SPATA31D1: variants seen among roughly 807,000 people sequenced by gnomAD.
The protein encoded by SPATA31D1 is spermatogenesis-associated protein 31D1.
In SPATA31D1, 6 loss-of-function variants were observed where a neutral mutation model predicts 13.2. The observed-to-expected ratio is 0.46, with a 90% CI of 0.25 to 0.90. The LOEUF is 0.90. Among genes scored for constraint, SPATA31D1 ranks in the 40% least tolerant of loss-of-function variants. The probability of loss-of-function intolerance (pLI) is 0.18; values close to 1 mark genes in which losing one functional copy is unlikely to be tolerated. For missense variants in SPATA31D1, 2,445 were observed against 1,884.7 expected (o/e 1.30, Z -5.50); for synonymous variants, 903 against 718.8 (o/e 1.26, Z -4.10).
At chr9:81,990,742 TCTC>T (rs749359835) in intron 3 of SPATA31D1, 28 bp from the exon 4 acceptor site, 2 of 1,575,122 alleles carry the variant, frequency 1.3e-6, no homozygotes, top group Non-Finnish European at 1.7e-6. Context: ...GGCTAACAAA[TCTC>T]CTTTCCTTGT....
chr9:81,991,070 C>G lies in SPATA31D1; in HGVS notation c.600C>G (p.Leu200=), dbSNP rs369682294. 12 of 1,613,612 alleles carry G rather than the reference C, an allele frequency of 7.4e-6. No homozygotes were observed. The Admixed American group carries it at 8.3e-5, about 11-fold the overall frequency. Reference sequence around the variant, plus strand: ...CCTCTCCACCACCCCCCTTAATTCTCTCACCTGACCTGATCACCACCTTAG... The same window carrying G: ...CCTCTCCACCACCCCCCTTAATTCTGTCACCTGACCTGATCACCACCTTAG... ...PKASPPPPLI[L]SPDLITTLAD... The change falls in exon 4 of 4, where the codon CTC becomes CTG. Residue 200 remains leucine, a synonymous_variant. Transcript: ENST00000344803.
intron 2 of SPATA31D1, 179 bp downstream of exon 2, chr9:81,990,002 C>T (rs1298493025): frequency 2.9e-6 from 2 of 679,256 alleles, no homozygotes; most frequent in Non-Finnish European, 4.9e-6. Context: ...AGAGGCCCTG[C>T]TCTGCCCATT....
rs191755245 is a variant in SPATA31D1 at position 81,992,714 on chromosome 9, C to T, written c.2244C>T (p.Ser748=). The change falls in exon 4 of 4, where the codon TCC becomes TCT. Residue 748 remains serine, a synonymous_variant. Coordinates refer to ENST00000344803, the MANE Select transcript of SPATA31D1 (RefSeq NM_001001670.3). ...EGQRCNVLKK[S]ASSFPRSFHE... The stretch of plus-strand genomic sequence containing the variant: ...AGAGGTGCAATGTTCTAAAGAAGTC[C>T]GCATCAAGCTTCCCTAGAAGCTTCC... The T allele has an allele frequency of 4.6e-5, 74 of 1,613,782 alleles. No homozygotes were observed. The highest frequency in any genetic ancestry group is 3.3e-4 in the African/African-American group (25 of 75,038).
rs183342985 is a variant in SPATA31D1, at chr9:81,992,660, A to G, written c.2190A>G (p.Gly730=). ...SELSVSERIH[G]PLNISLVEGQ... is the part of the protein sequence containing the mutation. Reference sequence around the variant, plus strand: ...TATCTGTGTCAGAGAGAATTCATGGACCGTTAAATATCTCTTTGGTTGAGG... The same window carrying G: ...TATCTGTGTCAGAGAGAATTCATGGGCCGTTAAATATCTCTTTGGTTGAGG... The change falls in exon 4 of 4, where the codon GGA becomes GGG. Residue 730 remains glycine, a synonymous_variant. Transcript: ENST00000344803. 6.2e-7 allele frequency: 1 copy of G among 1,613,756 alleles called. No homozygotes were observed.
Position 81,994,435 on chromosome 9 carries a change from C to T in SPATA31D1, c.3965C>T (p.Pro1322Leu), listed in dbSNP as rs761594768. Residue 1322 changes from proline (P) to leucine (L), a missense_variant, in exon 4 of 4, where the codon CCT (proline) becomes CTT (leucine). Physicochemically the swap from Pro to Leu is moderately conservative, Grantham distance 98. Transcript: ENST00000344803. ...TCCCAACGCAGGAGAAAGAGCCTCC[C>T]TGTTCATAACAAGACATCAGGGGAG... ...GTSQRRRKSL[P>L]VHNKTSGEVL... 6 of 1,613,550 alleles carry T rather than the reference C, an allele frequency of 3.7e-6. No homozygotes were observed. The highest frequency in any genetic ancestry group is 1.1e-5 in the South Asian group (1 of 91,022).
At position 81,990,587 on chromosome 9, in the gene SPATA31D1, G is replaced by A. The variant is rs963525022; in HGVS notation, c.302+101G>A. The A allele has an allele frequency of 8.0e-6, 11 of 1,382,560 alleles. No individual in the cohort carries two copies. In the African/African-American group the frequency reaches 1.3e-4, roughly 16 times the overall value. 85.6% of individuals were successfully genotyped at this position (1,382,560 alleles called of 1,614,324 possible). ...TTCCTTGTAGCCTGCTGTAGTTTTG[G>A]GAGTGGGTAGCCATAGGAATGGGTA... On this transcript the variant is annotated intron_variant, in intron 3 of 3. Transcript: ENST00000344803.
chr9:81,994,034 A>T lies in SPATA31D1; in HGVS notation c.3564A>T (p.Arg1188Ser). 1 of 1,613,878 alleles carries T rather than the reference A, an allele frequency of 6.2e-7. No individual in the cohort carries two copies. The highest frequency in any genetic ancestry group is 8.5e-7 in the Non-Finnish European group (1 of 1,179,778). The change falls in exon 4 of 4, where the codon AGA becomes AGT. Residue 1188 changes from arginine to serine, a missense_variant. Transcript: ENST00000344803. ...ATGAAACTGAAATTTTCCCACCAAG[A>T]ATATCAGTTCCTCAAGATCCTAAAT... ...TSNETEIFPP[R>S]ISVPQDPKSS...
rs757646618 is a variant in SPATA31D1, at chr9:81,992,148, C to T, written c.1678C>T (p.Pro560Ser). The T allele has an allele frequency of 1.2e-6, 2 of 1,613,784 alleles. No individual in the cohort carries two copies. Among genetic ancestry groups the T allele is most frequent in the East Asian group, 2.2e-5 (1 of 44,860 alleles). ...ACCTCTGTCCTTGCCTAGTACCCAA[C>T]CACTACCCTTGCCTCAAACCCTGCC... ...PQPLSLPSTQ[P>S]LPLPQTLPQG... The change falls in exon 4 of 4, where the codon CCA (proline) becomes TCA (serine). Residue 560 changes from proline to serine, a missense_variant. Pro to Ser is a moderately conservative substitution (Grantham distance 74). Transcript: ENST00000344803.
Position 81,995,017 on chromosome 9 carries a change from A to T in SPATA31D1, c.4547A>T (p.Gln1516Leu). The T allele has an allele frequency of 6.2e-7, 1 of 1,613,950 alleles. No individual in the cohort carries two copies. The highest frequency in any genetic ancestry group is 8.5e-7 in the Non-Finnish European group (1 of 1,179,858). ...AAGATACTGTGTCAAAGCCATCCCC[A>T]ATCCATGCCCCACAGGAAGCCTGTG... Reference protein sequence around the residue: ...KGKILCQSHPQSMPHRKPVPH... With the variant: ...KGKILCQSHPLSMPHRKPVPH... Residue 1516 changes from glutamine (Q) to leucine (L), a missense_variant, in exon 4 of 4, where the codon CAA (glutamine) becomes CTA (leucine). Coordinates refer to ENST00000344803, the MANE Select transcript of SPATA31D1 (RefSeq NM_001001670.3).
Position 81,991,281 on chromosome 9 carries a change from A to G in SPATA31D1, c.811A>G (p.Ile271Val). 4 of 1,613,996 alleles carry G rather than the reference A, an allele frequency of 2.5e-6. No individual in the cohort carries two copies. Among genetic ancestry groups the G allele is most frequent in the South Asian group, 1.1e-5 (1 of 91,082 alleles). The change falls in exon 4 of 4, where the codon ATC (isoleucine) becomes GTC (valine). Residue 271 changes from isoleucine to valine, a missense_variant. Physicochemically the swap from Ile to Val is conservative, Grantham distance 29. Coordinates refer to ENST00000344803, the MANE Select transcript of SPATA31D1 (RefSeq NM_001001670.3). Reference protein sequence around the residue: ...QPEASLSLNTIFSFGSTLCQD... With the variant: ...QPEASLSLNTVFSFGSTLCQD... ...TGAAGCCAGTTTGTCTCTGAACACC[A>G]TCTTTTCATTTGGCTCCACCCTATG...
chr9:81,993,697 C>A lies in SPATA31D1; in HGVS notation c.3227C>A (p.Thr1076Lys), dbSNP rs1825030862. 1.9e-6 allele frequency: 3 copies of A among 1,613,888 alleles called. No individual in the cohort carries two copies. The highest frequency in any genetic ancestry group is 2.7e-5 in the African/African-American group (2 of 74,928). Residue 1076 changes from threonine to lysine, a missense_variant, in exon 4 of 4, where the codon ACA becomes AAA. By Grantham distance (78) the Thr-to-Lys change is moderately conservative. Transcript: ENST00000344803. Reference protein sequence around the residue: ...REFSDTDNDLTESVRTTEDGR... With the variant: ...REFSDTDNDLKESVRTTEDGR... ...TTCTCTGATACTGACAATGATCTTACAGAAAGTGTCCGGACAACAGAGGAT... is the reference window on the plus strand; with the variant it reads ...TTCTCTGATACTGACAATGATCTTAAAGAAAGTGTCCGGACAACAGAGGAT...
chr9:81,994,691 A>G lies in SPATA31D1; in HGVS notation c.4221A>G (p.Lys1407=), dbSNP rs774864884. 6.2e-7 allele frequency: 1 copy of G among 1,613,734 alleles called. No homozygotes were observed. Among genetic ancestry groups the G allele is most frequent in the Admixed American group, 1.7e-5 (1 of 59,978 alleles). The part of the protein sequence containing the change: ...TGTTEAQKIR[K]DTREFLEEKL... ...CTACTGAAGCTCAGAAAATTAGGAA[A>G]GACACTAGGGAGTTCCTAGAAGAGA... is the stretch of plus-strand genomic sequence containing the variant. The change falls in exon 4 of 4, where the codon AAA becomes AAG. Residue 1407 remains lysine, a synonymous_variant. Coordinates refer to ENST00000344803, the MANE Select transcript of SPATA31D1 (RefSeq NM_001001670.3).
chr9:81,988,132 C>A (rs1295004019), upstream of SPATA31D1, among the ~76,000 whole-genome samples: 1 of 152,186 alleles, frequency 6.6e-6, no homozygotes, highest in Non-Finnish European at 1.5e-5. Flanking sequence ...TTGATCTGGA[C>A]TCCTGTCTTA....
rs1824917021 is a variant in SPATA31D1, at chr9:81,989,840, C to G, written c.232+17C>G. 1 of 1,613,076 alleles carries G rather than the reference C, an allele frequency of 6.2e-7. No individual in the cohort carries two copies. The highest frequency in any genetic ancestry group is 8.5e-7 in the Non-Finnish European group (1 of 1,179,340). On this transcript the variant is annotated intron_variant, in intron 2 of 3. Transcript: ENST00000344803. Reference sequence around the variant, plus strand: ...CATTCAAAGGTAATGTCAGCCTGCTCTATCTGAGCTTCAGGGGTGACCCTT... The same window carrying G: ...CATTCAAAGGTAATGTCAGCCTGCTGTATCTGAGCTTCAGGGGTGACCCTT...
Position 81,991,071 on chromosome 9 carries a change from T to C in SPATA31D1, c.601T>C (p.Ser201Pro), listed in dbSNP as rs1188206683. The C allele has an allele frequency of 6.2e-7, 1 of 1,613,456 alleles. No homozygotes were observed. The highest frequency in any genetic ancestry group is 8.5e-7 in the Non-Finnish European group (1 of 1,179,690). The change falls in exon 4 of 4, where the codon TCA (serine) becomes CCA (proline). Residue 201 changes from serine to proline, a missense_variant. Physicochemically the swap from Ser to Pro is moderately conservative, Grantham distance 74. Transcript: ENST00000344803. ...CTCTCCACCACCCCCCTTAATTCTCTCACCTGACCTGATCACCACCTTAGC... is the reference window on the plus strand; with the variant it reads ...CTCTCCACCACCCCCCTTAATTCTCCCACCTGACCTGATCACCACCTTAGC... Reference protein sequence around the residue: ...KASPPPPLILSPDLITTLADL... With the variant: ...KASPPPPLILPPDLITTLADL...
Position 81,995,161 on chromosome 9 carries a change from C to T in SPATA31D1, c.4691C>T (p.Pro1564Leu). 1 of 1,571,864 alleles carries T rather than the reference C, an allele frequency of 6.4e-7. No individual in the cohort carries two copies. The highest frequency in any genetic ancestry group is 8.6e-7 in the Non-Finnish European group (1 of 1,157,810). ...TTCCTAACTGGACAGAAAATGCTTCCAAAGCATTTACAGGGAGGAAAATTT... is the reference window on the plus strand; with the variant it reads ...TTCCTAACTGGACAGAAAATGCTTCTAAAGCATTTACAGGGAGGAAAATTT... ...VPFLTGQKML[P>L]KHLQGGKFPP... The change falls in exon 4 of 4, where the codon CCA becomes CTA. Residue 1564 changes from proline to leucine, a missense_variant. Pro to Leu is a moderately conservative substitution (Grantham distance 98, BLOSUM62 -3). Coordinates refer to ENST00000344803, the MANE Select transcript of SPATA31D1 (RefSeq NM_001001670.3).
chr9:81,994,487 CTT>C lies in SPATA31D1; in HGVS notation c.4018_4019del (p.Leu1340GlufsTer7). On this transcript the variant is annotated frameshift_variant, in exon 4 of 4. Transcript: ENST00000344803. LOFTEE classifies it low-confidence loss of function (END_TRUNC). ...EVLGSKSSPTLKTQPPPENLF... is the reference protein window; with the variant it reads ...EVLGSKSSPTXKTQPPPENLF... Reference sequence around the variant, plus strand: ...TGCTTGGGAGCAAATCTTCCCCAACCTTGAAAACACAGCCTCCTCCTGAAAAC... The same window carrying C: ...TGCTTGGGAGCAAATCTTCCCCAACCGAAAACACAGCCTCCTCCTGAAAAC... 1 of 1,613,458 alleles carries C rather than the reference CTT, an allele frequency of 6.2e-7. No homozygotes were observed. Among genetic ancestry groups the C allele is most frequent in the South Asian group, 1.1e-5 (1 of 90,960 alleles).
chr9:81,990,190 T>C lies in SPATA31D1; in HGVS notation c.233-227T>C, dbSNP rs1234499706. On this transcript the variant is annotated intron_variant, in intron 2 of 3. Coordinates refer to ENST00000344803, the MANE Select transcript of SPATA31D1 (RefSeq NM_001001670.3). ...CCTCCTGGAGGTAACCACTGATGTC[T>C]GTGTTTCACGTGGTGGTTTTGAGCA... The C allele has an allele frequency of 5.6e-6, 3 of 533,100 alleles. No individual in the cohort carries two copies. In the South Asian group the frequency reaches 9.4e-5, roughly 17 times the overall value. 33.0% of individuals were successfully genotyped at this position (533,100 alleles called of 1,614,324 possible). A position where few individuals can be genotyped will look rare whatever the true frequency, so the allele number is the denominator to read the frequency against.
chr9:81,993,811 A>T lies in SPATA31D1; in HGVS notation c.3341A>T (p.Glu1114Val). Residue 1114 changes from glutamate to valine, a missense_variant, in exon 4 of 4, where the codon GAG (glutamate) becomes GTG (valine). Coordinates refer to ENST00000344803, the MANE Select transcript of SPATA31D1 (RefSeq NM_001001670.3). Reference sequence around the variant, plus strand: ...GTACTGGCCAGTAGATGCAGCGCAGAGCTGCCCATAATGCAAGCTGGAGCT... The same window carrying T: ...GTACTGGCCAGTAGATGCAGCGCAGTGCTGCCCATAATGCAAGCTGGAGCT... ...QTVLASRCSA[E>V]LPIMQAGAGC... 6.2e-7 allele frequency: 1 copy of T among 1,614,046 alleles called. No individual in the cohort carries two copies. The highest frequency in any genetic ancestry group is 1.6e-4 in the Middle Eastern group (1 of 6,062).
Sources: gnomAD v4.1 joint callset for allele counts (sites outside exome capture counted in the v4.1 genomes callset) on GRCh38, gnomAD v4.1.1 for gene constraint, MANE v1.5 for transcripts, NCBI Gene and HGNC (gene_info 2026-07-23, HGNC 2026-07-21) for gene names.